POLR2F: variants seen among roughly 807,000 people sequenced by gnomAD.
POLR2F encodes the protein DNA-directed RNA polymerases I, II, and III subunit RPABC2.
Under a neutral mutation model 22.7 loss-of-function variants are expected in POLR2F, and 12 were observed. That is an observed-to-expected ratio of 0.53 (90% CI 0.34 to 0.86). The LOEUF (loss-of-function observed/expected upper bound fraction) is 0.86, where lower values mean the gene tolerates loss of function less well. Ranked by LOEUF, POLR2F falls within the 40% of genes least tolerant of loss-of-function variation. POLR2F has a pLI of 0.02. For synonymous variants in POLR2F, 57 were observed against 66.0 expected (o/e 0.86, Z 0.66); for missense variants, 126 against 171.5 (o/e 0.73, Z 1.48).
At chr22:37,964,555 C>CTT (rs1422295832) in intron 3 of POLR2F, among the ~76,000 whole-genome samples, 2 of 145,676 alleles carry the variant, frequency 1.4e-5, no homozygotes. Context: ...TCCTGTTTTT[C>CTT]TTTTCTTTCT....
chr22:37,955,444 C>G (rs1931349583), intron 1 of POLR2F, among the ~76,000 whole-genome samples: 1 of 150,398 alleles, frequency 6.6e-6, no homozygotes, highest in South Asian at 2.1e-4. Flanking sequence ...GAGGCTGAGA[C>G]AGGAGAATTG....
intron 1 of POLR2F, among the ~76,000 whole-genome samples, chr22:38,015,321 C>T (rs573113715): frequency 6.6e-6 from 1 of 152,312 alleles, no homozygotes. Flanking sequence ...CAGACAGGCT[C>T]AGGGTGTTGT....
chr22:37,989,013 G>A (rs1343609374), intron 1 of POLR2F, among the ~76,000 whole-genome samples: 2 of 152,136 alleles, frequency 1.3e-5, no homozygotes, highest in Non-Finnish European at 2.9e-5. Flanking sequence ...GTCTTCAGCC[G>A]AGTCTGAGTG....
Position 37,974,389 on chromosome 22 carries a change from G to A in POLR2F, c.293+7219G>A, listed in dbSNP as rs1932163450. 6.8e-6 allele frequency among the ~76,000 whole-genome samples: 1 copy of A among 146,450 alleles called. No homozygotes were observed. Among genetic ancestry groups the A allele is most frequent in the Non-Finnish European group, 1.5e-5 (1 of 67,366 alleles). On this transcript the variant is annotated intron_variant, in intron 4 of 4. Coordinates refer to the POLR2F transcript ENST00000405557. This position sits in a 1 kb window ranked among gnomAD's most constrained non-coding sequence, Gnocchi z 5.4. ...TTTTTTGAGATGGAGTTTCGCTCTT[G>A]TTGCCCAGACTGGAGTGCAGTGGCG...
rs1316053610 is a variant in POLR2F at position 37,977,860 on chromosome 22, C to T, written c.293+10690C>T. The T allele has an allele frequency of 3.7e-6, 6 of 1,606,600 alleles. No homozygotes were observed. In the Admixed American group the frequency reaches 8.4e-5, roughly 22 times the overall value. On this transcript the variant is annotated intron_variant, in intron 4 of 4. Coordinates refer to the POLR2F transcript ENST00000405557. ...GCCCCACCCTCAGCTCTGTCATCAG[C>T]ACTCACCTGAGGGGTGCTCGGGGTT...
chr22:37,973,863 C>T (rs755753525), downstream of POLR2F: 1 of 1,609,836 alleles, frequency 6.2e-7, no homozygotes, highest in Non-Finnish European at 8.5e-7. Context: ...GGTGGTGAGA[C>T]CGTGGGCAGA....
At chr22:38,020,565 C>T (rs554818900) in intron 1 of POLR2F, among the ~76,000 whole-genome samples, 9 of 151,826 alleles carry the variant, frequency 5.9e-5, no homozygotes, top group African/African-American at 2.2e-4. Flanking sequence ...CCACCATGCC[C>T]GGCCTCTACT....
chr22:38,021,874 G>A (rs1220166819), intron 1 of POLR2F, among the ~76,000 whole-genome samples: 1 of 151,190 alleles, frequency 6.6e-6, no homozygotes, highest in Non-Finnish European at 1.5e-5. Context: ...GCTCACGTCT[G>A]TAATCCCAGT....
chr22:37,989,025 G>T (rs777819975), intron 1 of POLR2F, among the ~76,000 whole-genome samples: 5 of 152,152 alleles, frequency 3.3e-5, no homozygotes, highest in African/African-American at 1.2e-4. Context: ...GTCTGAGTGC[G>T]CTGGGGTGGC....
chr22:37,990,329 C>T (rs141659622), intron 1 of POLR2F, among the ~76,000 whole-genome samples: 94 of 152,366 alleles, frequency 6.2e-4, no homozygotes, highest in East Asian at 5.0e-3. Flanking sequence ...AATCTTCCTT[C>T]GCTCCCAACT....
chr22:37,957,903 C>T (rs977122222), intron 2 of POLR2F, among the ~76,000 whole-genome samples: 1 of 152,202 alleles, frequency 6.6e-6, no homozygotes, highest in African/African-American at 2.4e-5. Flanking sequence ...TCCTAAATGG[C>T]CTCTCTGCTT....
intron 5 of POLR2F, among the ~76,000 whole-genome samples, chr22:38,035,546 G>A (rs931592127): frequency 2.6e-5 from 4 of 152,098 alleles, no homozygotes; most frequent in African/African-American, 9.7e-5. Context: ...TCGTGTCCTC[G>A]GGGCCATGCA....
At chr22:37,972,407 GGA>G (rs577740783), downstream of POLR2F, 42 of 390,584 alleles carry the variant, frequency 1.1e-4, 1 homozygote, top group East Asian at 3.0e-3. Context: ...ATAAATAACA[GGA>G]GACAGTAATG....
At position 37,968,351 on chromosome 22, in the gene POLR2F, C is replaced by T. The variant is rs1931940928; in HGVS notation, c.*636C>T. On this transcript the variant is annotated 3_prime_UTR_variant, in exon 5 of 5. Transcript: ENST00000442738. ...CCCCCATGGCTCTGTCCCCACTCCT[C>T]CTCAGGACTCTGCCCACACGCTGTC... The T allele has an allele frequency of 1.0e-6, 1 of 985,846 alleles. No homozygotes were observed. Among genetic ancestry groups the T allele is most frequent in the African/African-American group, 1.7e-5 (1 of 57,264 alleles). The allele number at this position is 985,846 out of a possible 1,614,324, so 61.1% of individuals were successfully genotyped here.
At chr22:37,954,102 T>A (rs753725379) in intron 1 of POLR2F, among the ~76,000 whole-genome samples, 4 of 151,962 alleles carry the variant, frequency 2.6e-5, no homozygotes, top group Non-Finnish European at 5.9e-5. Context: ...TTGAGGTGAA[T>A]GAACAATCGT....
chr22:37,963,912 G>C (rs1274669650), intron 3 of POLR2F, among the ~76,000 whole-genome samples: 1 of 152,008 alleles, frequency 6.6e-6, no homozygotes. Flanking sequence ...GAGCAGCCTG[G>C]CCAACATGGT....
intron 1 of POLR2F, among the ~76,000 whole-genome samples, chr22:38,023,972 G>T (rs953420874): frequency 6.6e-6 from 1 of 151,642 alleles, no homozygotes; most frequent in African/African-American, 2.4e-5. Flanking sequence ...CTCCCGAGTA[G>T]CTGGAATTAT....
At chr22:38,011,865 C>T (rs980740898) in intron 1 of POLR2F, among the ~76,000 whole-genome samples, 1 of 151,410 alleles carries the variant, frequency 6.6e-6, no homozygotes, top group Non-Finnish European at 1.5e-5. Flanking sequence ...GAATTGATAT[C>T]TCAGCAATGT....
chr22:38,001,248 C>T (rs933266614), intron 1 of POLR2F, among the ~76,000 whole-genome samples: 3 of 152,152 alleles, frequency 2.0e-5, no homozygotes, highest in Admixed American at 6.5e-5. Context: ...GGCTCAAGAA[C>T]GGTAACACAT....
Sources: allele counts gnomAD v4.1 joint callset (sites outside exome capture counted in the v4.1 genomes callset), GRCh38; gene constraint gnomAD v4.1.1; non-coding constraint Gnocchi (gnomAD v3.1); transcripts MANE v1.5; gene names NCBI Gene and HGNC (gene_info 2026-07-23, HGNC 2026-07-21).